The following AP2B1 variants were observed in gnomAD, a reference collection of about 807,000 sequenced individuals.
AP2B1 encodes adaptor related protein complex 2 subunit beta 1, also known as AP-2 complex subunit beta.
In AP2B1, 23 loss-of-function variants were observed where a neutral mutation model predicts 102.0. That is an observed-to-expected ratio of 0.23 (90% CI 0.16 to 0.32). The LOEUF is 0.32. Ranked by LOEUF, AP2B1 falls within the 10% of genes least tolerant of loss-of-function variation. The probability of loss-of-function intolerance (pLI) is 1.00; values close to 1 mark genes in which losing one functional copy is unlikely to be tolerated. For synonymous variants in AP2B1, 381 were observed against 421.2 expected (o/e 0.90, Z 1.17); for missense variants, 541 against 1,157.4 (o/e 0.47, Z 7.73).
At chr17:35,682,452 C>T (rs1204784440) in intron 17 of AP2B1, among the ~76,000 whole-genome samples, 1 of 150,238 alleles carries the variant, frequency 6.7e-6, no homozygotes, top group Non-Finnish European at 1.5e-5. Flanking sequence ...AAGCGATTCT[C>T]CTGCCTCAGC....
chr17:35,619,726 A>C (rs2074120073), intron 5 of AP2B1, among the ~76,000 whole-genome samples: 1 of 152,166 alleles, frequency 6.6e-6, no homozygotes, highest in African/African-American at 2.4e-5. Context: ...TCTCCCCAAG[A>C]ATAGAATTTA....
chr17:35,684,013 T>C (rs1261400949), intron 18 of AP2B1, among the ~76,000 whole-genome samples: 1 of 152,226 alleles, frequency 6.6e-6, no homozygotes, highest in Non-Finnish European at 1.5e-5. Context: ...CTTATGTAGG[T>C]GTAGTAACCT....
Position 35,723,627 on chromosome 17 carries a change from G to C in AP2B1, c.2784G>C (p.Leu928=). 6.2e-7 allele frequency: 1 copy of C among 1,608,992 alleles called. No individual in the cohort carries two copies. Among genetic ancestry groups the C allele is most frequent in the Non-Finnish European group, 8.5e-7 (1 of 1,175,380 alleles). Residue 928 remains leucine, a splice_region_variant and synonymous_variant, in exon 22 of 22, where the codon CTG becomes CTC. Coordinates refer to ENST00000610402, the MANE Select transcript of AP2B1 (RefSeq NM_001030006.2). ...RIQPGNPNYT[L]SLKCRAPEVS... ...CCATCTCCTTTTTCTCCTAACAGCT[G>C]TCACTGAAGTGTAGAGCTCCTGAAG...
chr17:35,613,546 TATTAA>T (rs1379285742), intron 5 of AP2B1, among the ~76,000 whole-genome samples: 4 of 152,246 alleles, frequency 2.6e-5, no homozygotes, highest in Non-Finnish European at 5.9e-5. Flanking sequence ...AATCTCACTC[TATTAA>T]GTCCTAGCTT....
In AP2B1 at chr17:35,636,394, G is replaced by T; in HGVS notation, c.1209G>T (p.Val403=). The change falls in exon 10 of 22, where the codon GTG becomes GTT. Residue 403 remains valine (V), a synonymous_variant. Transcript: ENST00000610402. ...STLLDLIQTK[V]NYVVQEAIVV... is the part of the protein sequence containing the mutation. ...TGCTTGATCTAATCCAGACCAAAGTGAATTATGTGGTCCAAGAAGCAATTG... is the reference window on the plus strand; with the variant it reads ...TGCTTGATCTAATCCAGACCAAAGTTAATTATGTGGTCCAAGAAGCAATTG... The T allele has an allele frequency of 6.2e-7, 1 of 1,614,030 alleles. No homozygotes were observed. The highest frequency in any genetic ancestry group is 1.1e-5 in the South Asian group (1 of 91,064).
At chr17:35,651,254 A>G (rs1041332212) in intron 13 of AP2B1, among the ~76,000 whole-genome samples, 1 of 151,944 alleles carries the variant, frequency 6.6e-6, no homozygotes, top group African/African-American at 2.4e-5. Context: ...AAAGCTGTTA[A>G]TGAAATAATA....
intron 13 of AP2B1, among the ~76,000 whole-genome samples, chr17:35,651,835 T>G (rs2075093778): frequency 6.6e-6 from 1 of 152,198 alleles, no homozygotes; most frequent in Non-Finnish European, 1.5e-5. Context: ...TAAGGATTAG[T>G]CTTTATAGTA....
At chr17:35,656,254 T>G (rs571573118) in intron 13 of AP2B1, among the ~76,000 whole-genome samples, 1 of 69,532 alleles carries the variant, frequency 1.4e-5, no homozygotes, top group South Asian at 4.1e-4. Flanking sequence ...AATTTTTGTT[T>G]ACCTTGTGAA....
intron 1 of AP2B1, among the ~76,000 whole-genome samples, chr17:35,589,662 T>C (rs1015590501): frequency 6.6e-6 from 1 of 152,230 alleles, no homozygotes; most frequent in Non-Finnish European, 1.5e-5. Context: ...AGAGTGATTA[T>C]GTGCTTTGAC....
intron 18 of AP2B1, among the ~76,000 whole-genome samples, chr17:35,690,515 A>G (rs982712033): frequency 2.0e-4 from 31 of 152,348 alleles, no homozygotes; most frequent in Admixed American, 6.5e-4. Context: ...CCTCTCTAAA[A>G]GAATCAATCT....
rs990013955 is a variant in AP2B1 at position 35,709,817 on chromosome 17, C to G, written c.2540-417C>G. Among the ~76,000 whole-genome samples, 4 of 152,112 alleles carry G rather than the reference C, an allele frequency of 2.6e-5. No individual in the cohort carries two copies. In the East Asian group the frequency reaches 7.7e-4, roughly 29 times the overall value. ...ATGTGCCTATTGACATTTCTCTCTT[C>G]CCTTATTTATGAATCACAATCTAAT... On this transcript the variant is annotated intron_variant, in intron 19 of 21. Coordinates refer to ENST00000610402, the MANE Select transcript of AP2B1 (RefSeq NM_001030006.2).
chr17:35,638,522 C>T (rs1382111009), intron 10 of AP2B1, among the ~76,000 whole-genome samples: 1 of 152,144 alleles, frequency 6.6e-6, no homozygotes, highest in Non-Finnish European at 1.5e-5. Context: ...GGCGCGGTGG[C>T]TCACGCCTGT....
chr17:35,707,059 G>T (rs1404345754), intron 18 of AP2B1, among the ~76,000 whole-genome samples: 1 of 152,144 alleles, frequency 6.6e-6, no homozygotes, highest in Non-Finnish European at 1.5e-5. Context: ...CCAAGTACCA[G>T]ATGAGTTAGA....
At chr17:35,626,220 C>G (rs1490167634) in intron 6 of AP2B1, among the ~76,000 whole-genome samples, 3 of 152,202 alleles carry the variant, frequency 2.0e-5, no homozygotes, top group Non-Finnish European at 2.9e-5. Context: ...TATGAAATAA[C>G]TCTCAGAATG....
intron 17 of AP2B1, among the ~76,000 whole-genome samples, chr17:35,675,543 A>C (rs1428763334): frequency 6.6e-6 from 1 of 152,212 alleles, no homozygotes; most frequent in Non-Finnish European, 1.5e-5. Context: ...AAAATAAATA[A>C]ATAGGCCAAG....
In AP2B1 at chr17:35,689,678, T is replaced by TAA. The variant is rs1277651524; in HGVS notation, c.2454+6854_2454+6855insAA. ...TCTTAAGTCTCTTTAGCTACACTGT[T>TAA]TAATATGATAGCCACTAGCCACATG... On this transcript the variant is annotated intron_variant, in intron 18 of 21. Transcript: ENST00000610402. Among the ~76,000 whole-genome samples the TAA allele has an allele frequency of 2.0e-5, 3 of 152,338 alleles. No homozygotes were observed. The East Asian group carries it at 5.8e-4, about 29-fold the overall frequency.
intron 20 of AP2B1, among the ~76,000 whole-genome samples, chr17:35,716,252 T>C (rs2076548750): frequency 6.6e-6 from 1 of 152,254 alleles, no homozygotes; most frequent in Non-Finnish European, 1.5e-5. Context: ...GAAATGAATA[T>C]AATAAACAGT....
At chr17:35,628,476 A>G (rs2074375500) in intron 9 of AP2B1, among the ~76,000 whole-genome samples, 1 of 152,152 alleles carries the variant, frequency 6.6e-6, no homozygotes. Flanking sequence ...GGTGGCACAC[A>G]CCTGTAGTCC....
chr17:35,606,652 CT>C (rs755413871), intron 4 of AP2B1, among the ~76,000 whole-genome samples: 1 of 152,122 alleles, frequency 6.6e-6, no homozygotes, highest in African/African-American at 2.4e-5. Context: ...CATAACCACT[CT>C]TGTTTGTAAT....
Sources: gnomAD v4.1 joint callset for allele counts (sites outside exome capture counted in the v4.1 genomes callset) on GRCh38, gnomAD v4.1.1 for gene constraint, MANE v1.5 for transcripts, NCBI Gene and HGNC (gene_info 2026-07-23, HGNC 2026-07-21) for gene names.